Variants in BOD1L1 observed in about 807,000 individuals in gnomAD.
BOD1L1 encodes biorientation of chromosomes in cell division protein 1-like 1.
A neutral mutation model predicts 240.7 loss-of-function variants in BOD1L1; 86 were observed. That is an observed-to-expected ratio of 0.36 (90% CI 0.30 to 0.43). BOD1L1 has a LOEUF of 0.43. Ranked by LOEUF, BOD1L1 falls within the 20% of genes least tolerant of loss-of-function variation. The pLI is 1.00. For synonymous variants in BOD1L1, 1,268 were observed against 1,272.3 expected, an observed-to-expected ratio of 1.00 and a Z score of 0.07; for missense variants, 3,554 against 3,643.5, an observed-to-expected ratio of 0.98 and a Z score of 0.63.
At position 13,607,101 on chromosome 4, in the gene BOD1L1, T is replaced by A; in HGVS notation, c.1815+16A>T. ...TAACAAAACAGCATTTGAAATGAGG[T>A]TTTATTAAGGCATACCTCACTTGTT... On this transcript the variant is annotated intron_variant, in intron 9 of 25. Transcript: ENST00000040738. 1 of 1,504,880 alleles carries A rather than the reference T, an allele frequency of 6.6e-7. No homozygotes were observed. Among genetic ancestry groups the A allele is most frequent in the Non-Finnish European group, 9.0e-7 (1 of 1,112,824 alleles). 93.2% of individuals were successfully genotyped at this position (1,504,880 alleles called of 1,614,324 possible).
In BOD1L1 at chr4:13,569,997, A is replaced by G. The variant is rs1712062195; in HGVS notation, c.*14T>C. 2.6e-6 allele frequency: 4 copies of G among 1,565,920 alleles called. No homozygotes were observed. In the African/African-American group the frequency reaches 4.1e-5, roughly 16 times the overall value. On this transcript the variant is annotated 3_prime_UTR_variant, in exon 26 of 26. Transcript: ENST00000040738. ...CCGTGTTCCTCCATAAGCCTAGGGC[A>G]GCAGTGGTCAGGATTATCGCTTCGC...
Position 13,603,967 on chromosome 4 carries a change from G to A in BOD1L1, c.2933C>T (p.Ser978Phe). ...TGVEPVLETA[S>F]SSAHSTQKDS... The stretch of plus-strand genomic sequence containing the variant: ...CTTCTGTGTACTATGTGCTGAAGAA[G>A]AAGCAGTCTCTAATACAGGTTCAAC... The change falls in exon 10 of 26, where the codon TCT becomes TTT. Residue 978 changes from serine to phenylalanine, a missense_variant. Physicochemically the swap from Ser to Phe is radical, Grantham distance 155 (BLOSUM62 -2). Transcript: ENST00000040738. 1 of 1,613,918 alleles carries A rather than the reference G, an allele frequency of 6.2e-7. No individual in the cohort carries two copies. Among genetic ancestry groups the A allele is most frequent in the Non-Finnish European group, 8.5e-7 (1 of 1,179,872 alleles).
intron 10 of BOD1L1, 30 bp downstream of exon 10, chr4:13,598,916 T>G: frequency 1.9e-6 from 3 of 1,557,954 alleles, no homozygotes; most frequent in Non-Finnish European, 2.6e-6. Context: ...TTGTAAATAT[T>G]AAAATTTGCA....
At chr4:13,582,507 A>C in intron 18 of BOD1L1, 145 bp downstream of exon 18, 1 of 710,106 alleles carries the variant, frequency 1.4e-6, no homozygotes, top group Non-Finnish European at 2.3e-6. Flanking sequence ...CCAAATTAAA[A>C]ATGATTCCCT....
chr4:13,604,316 T>A lies in BOD1L1; in HGVS notation c.2584A>T (p.Ile862Phe), dbSNP rs1282887324. 3 of 1,594,862 alleles carry A rather than the reference T, an allele frequency of 1.9e-6. No individual in the cohort carries two copies. The highest frequency in any genetic ancestry group is 2.6e-6 in the Non-Finnish European group (3 of 1,174,464). ...CTTTCACTTCTTCTCTGTAATGTGA[T>A]ACCATGTTGCTTGGAACCCAGAGAA... Reference protein sequence around the residue: ...KDSLGSKQHGITLQRRSESYS... With the variant: ...KDSLGSKQHGFTLQRRSESYS... Residue 862 changes from isoleucine to phenylalanine, a missense_variant, in exon 10 of 26, where the codon ATC becomes TTC. By Grantham distance (21) the Ile-to-Phe change is conservative. Transcript: ENST00000040738.
intron 25 of BOD1L1, among the ~76,000 whole-genome samples, chr4:13,570,456 T>A (rs1577298885): frequency 6.6e-6 from 1 of 152,034 alleles, no homozygotes; most frequent in East Asian, 1.9e-4. Flanking sequence ...AACAAAGACA[T>A]CAACAGCGGG....
chr4:13,576,216 C>G (rs1286683559), intron 25 of BOD1L1, among the ~76,000 whole-genome samples: 1 of 151,982 alleles, frequency 6.6e-6, no homozygotes, highest in Non-Finnish European at 1.5e-5. Context: ...TTTGCCAAAC[C>G]CTTAATATTT....
At chr4:13,612,328 C>G (rs1243892865) in intron 5 of BOD1L1, among the ~76,000 whole-genome samples, 1 of 152,130 alleles carries the variant, frequency 6.6e-6, no homozygotes, top group South Asian at 2.1e-4. Context: ...AAATAAAACT[C>G]AATATTTTTA....
chr4:13,575,630 C>A (rs1256862512), intron 25 of BOD1L1, among the ~76,000 whole-genome samples: 1 of 152,170 alleles, frequency 6.6e-6, no homozygotes, highest in African/African-American at 2.4e-5. Flanking sequence ...GTGATCCTCC[C>A]ATCTTGGTCT....
intron 25 of BOD1L1, among the ~76,000 whole-genome samples, chr4:13,574,132 A>G (rs889187461): frequency 1.3e-5 from 2 of 152,234 alleles, no homozygotes; most frequent in Non-Finnish European, 2.9e-5. Flanking sequence ...TAGAATCAAG[A>G]GTAGAAGCCA....
At position 13,569,989 on chromosome 4, in the gene BOD1L1, C is replaced by G. The variant is rs535079554; in HGVS notation, c.*22G>C. On this transcript the variant is annotated 3_prime_UTR_variant, in exon 26 of 26. Coordinates refer to ENST00000040738, the MANE Select transcript of BOD1L1 (RefSeq NM_148894.3). ...CCTCTCCACCGTGTTCCTCCATAAG[C>G]CTAGGGCAGCAGTGGTCAGGATTAT... is the stretch of plus-strand genomic sequence containing the variant. 6.5e-7 allele frequency: 1 copy of G among 1,534,566 alleles called. No individual in the cohort carries two copies. Among genetic ancestry groups the G allele is most frequent in the Admixed American group, 2.1e-5 (1 of 47,322 alleles).
rs750931195 is a variant in BOD1L1 at position 13,604,648 on chromosome 4, T to C, written c.2252A>G (p.His751Arg). ...AAGCTCAGTCTCATCACCTGTTTTA[T>C]GCATACAATCACCTTTATATTTATG... ...VKHKYKGDCMHKTGDETELHS... is the reference protein window; with the variant it reads ...VKHKYKGDCMRKTGDETELHS... Residue 751 changes from histidine to arginine, a missense_variant, in exon 10 of 26, where the codon CAT (histidine) becomes CGT (arginine). His to Arg is a conservative substitution (Grantham distance 29). This residue lies in a region of BOD1L1 where 3,393 missense variants were observed against 3,427.1 expected (regional missense o/e 0.99). Coordinates refer to ENST00000040738, the MANE Select transcript of BOD1L1 (RefSeq NM_148894.3). 25 of 1,582,328 alleles carry C rather than the reference T, an allele frequency of 1.6e-5. No homozygotes were observed. The Admixed American group carries it at 3.1e-4, about 20-fold the overall frequency.
chr4:13,615,010 G>A (rs927543946), intron 3 of BOD1L1, among the ~76,000 whole-genome samples, 200 bp from the exon 4 acceptor site: 2 of 152,006 alleles, frequency 1.3e-5, no homozygotes, highest in Non-Finnish European at 1.5e-5. Flanking sequence ...TTATCTTAGC[G>A]AGGGCACCAT....
rs1201914368 is a variant in BOD1L1, at chr4:13,569,043, A to C, written c.*968T>G. 1.3e-5 allele frequency: 2 copies of C among 152,222 alleles called. No homozygotes were observed. Among genetic ancestry groups the C allele is most frequent in the Non-Finnish European group, 2.9e-5 (2 of 68,034 alleles). 9.4% of individuals were successfully genotyped at this position (152,222 alleles called of 1,614,324 possible). A position where few individuals can be genotyped will look rare whatever the true frequency, so the allele number is the denominator to read the frequency against. On this transcript the variant is annotated 3_prime_UTR_variant, in exon 26 of 26. Coordinates refer to ENST00000040738, the MANE Select transcript of BOD1L1 (RefSeq NM_148894.3). ...ATGTTTAAAAAAACACTTGGCAATA[A>C]AGCCAGTTTCTATACTGAAATAACT...
intron 25 of BOD1L1, among the ~76,000 whole-genome samples, chr4:13,571,498 A>G (rs953094620): frequency 6.6e-6 from 1 of 152,238 alleles, no homozygotes; most frequent in African/African-American, 2.4e-5. Context: ...CAGCCACTCA[A>G]TGAACACCTC....
At chr4:13,571,230 G>A (rs752045048) in intron 25 of BOD1L1, among the ~76,000 whole-genome samples, 3 of 152,166 alleles carry the variant, frequency 2.0e-5, no homozygotes, top group Non-Finnish European at 4.4e-5. Context: ...CCAGTGCCTA[G>A]TGCAATGCCC....
At chr4:13,597,276 T>C (rs1398423570) in intron 10 of BOD1L1, 108 bp from the exon 11 acceptor site, 8 of 761,408 alleles carry the variant, frequency 1.1e-5, no homozygotes. Context: ...TGCACCTTCC[T>C]TTTCTGGTTT....
chr4:13,599,531 T>C lies in BOD1L1; in HGVS notation c.7369A>G (p.Ile2457Val). The part of the protein sequence containing the change: ...RGQKESTLHL[I>V]NAEEKNVLLN... ...AATACATTCTTCTCTTCTGCATTTA[T>C]GAGGTGTAAAGTGCTCTCTTTCTGT... is the stretch of plus-strand genomic sequence containing the variant. The change falls in exon 10 of 26, where the codon ATA becomes GTA. Residue 2457 changes from isoleucine (I) to valine (V), a missense_variant. Ile to Val is a conservative substitution (Grantham distance 29). Coordinates refer to ENST00000040738, the MANE Select transcript of BOD1L1 (RefSeq NM_148894.3). The C allele has an allele frequency of 1.9e-6, 3 of 1,614,076 alleles. No individual in the cohort carries two copies. Among genetic ancestry groups the C allele is most frequent in the South Asian group, 1.1e-5 (1 of 91,090 alleles).
rs1397628204 is a variant in BOD1L1 at position 13,595,865 on chromosome 4, C to A, written c.8099G>T (p.Gly2700Val). The A allele has an allele frequency of 6.2e-7, 1 of 1,613,254 alleles. No homozygotes were observed. Among genetic ancestry groups the A allele is most frequent in the South Asian group, 1.1e-5 (1 of 90,956 alleles). ...PESLCGGKPSGIAELQREPLL... is the reference protein window; with the variant it reads ...PESLCGGKPSVIAELQREPLL... ...AACCATTCTAAAGAGCTCACCTATT[C>A]CACTTGGCTTTCCCCCACACAGACT... The change falls in exon 12 of 26, where the codon GGA becomes GTA. Residue 2700 changes from glycine (G) to valine (V), a missense_variant. Gly to Val is a moderately radical substitution (Grantham distance 109). Coordinates refer to ENST00000040738, the MANE Select transcript of BOD1L1 (RefSeq NM_148894.3).
Sources: allele counts gnomAD v4.1 joint callset (sites outside exome capture counted in the v4.1 genomes callset), GRCh38; gene constraint gnomAD v4.1.1; regional missense constraint gnomAD v4.1.1; transcripts MANE v1.5; gene names NCBI Gene and HGNC (gene_info 2026-07-23, HGNC 2026-07-21).